Variants in H2BC4 observed in about 807,000 individuals in gnomAD.
H2BC4 encodes the protein histone H2B type 1-C/E/F/G/I.
In H2BC4, 10 loss-of-function variants were observed where a neutral mutation model predicts 6.2. The ratio of observed to expected loss-of-function variants is 1.61; its 90% CI spans 0.99 to 2.73. The LOEUF (loss-of-function observed/expected upper bound fraction) is 2.73. Among genes scored for constraint, H2BC4 ranks in the 30% most tolerant of loss-of-function variants. The pLI, the probability that H2BC4 is intolerant of heterozygous loss-of-function variation, is 0.00. For missense variants in H2BC4, 176 were observed against 168.7 expected (o/e 1.04, Z -0.24); for synonymous variants, 146 against 70.7 (o/e 2.07, Z -5.35).
downstream of H2BC4, among the ~76,000 whole-genome samples, chr6:26,119,127 G>A (rs1763465507): frequency 6.6e-6 from 1 of 151,806 alleles, no homozygotes; most frequent in African/African-American, 2.4e-5. Flanking sequence ...ATTAACCATA[G>A]CCCTTAAACA....
At chr6:26,117,942 A>C (rs1286438313) in intron 1 of H2BC4, among the ~76,000 whole-genome samples, 1 of 151,540 alleles carries the variant, frequency 6.6e-6, no homozygotes, top group Admixed American at 6.6e-5. Context: ...GTGATTCTCT[A>C]GAAACACTTA....
rs775202532 is a variant in H2BC4, at chr6:26,123,873, G to A, written c.32C>T (p.Pro11Leu). ...CACTGCCTTCTTGGAGCCCTTCTTCGGGGCGGGAGCAGACTTGGCTGGCTC... is the reference window on the plus strand; with the variant it reads ...CACTGCCTTCTTGGAGCCCTTCTTCAGGGCGGGAGCAGACTTGGCTGGCTC... Reference protein sequence around the residue: MPEPAKSAPAPKKGSKKAVTK... With the variant: MPEPAKSAPALKKGSKKAVTK... Residue 11 changes from proline (P) to leucine (L), a missense_variant, in exon 1 of 1, where the codon CCG becomes CTG. Transcript: ENST00000396984. 9 of 1,614,182 alleles carry A rather than the reference G, an allele frequency of 5.6e-6. No individual in the cohort carries two copies. The highest frequency in any genetic ancestry group is 7.6e-6 in the Non-Finnish European group (9 of 1,180,038).
chr6:26,120,262 C>A (rs1296318832), downstream of H2BC4, among the ~76,000 whole-genome samples: 1 of 152,040 alleles, frequency 6.6e-6, no homozygotes, highest in Admixed American at 6.6e-5. Flanking sequence ...ACCAGTTTGG[C>A]CAACATGGCG....
chr6:26,123,853 C>T lies in H2BC4; in HGVS notation c.52G>A (p.Ala18Thr), dbSNP rs777203378. The T allele has an allele frequency of 1.2e-5, 19 of 1,614,236 alleles. No individual in the cohort carries two copies. The highest frequency in any genetic ancestry group is 3.3e-5 in the Admixed American group (2 of 60,030). Reference sequence around the variant, plus strand: ...TCTTTCTTCTGCGCTTTGGTCACTGCCTTCTTGGAGCCCTTCTTCGGGGCG... The same window carrying T: ...TCTTTCTTCTGCGCTTTGGTCACTGTCTTCTTGGAGCCCTTCTTCGGGGCG... ...APAPKKGSKK[A>T]VTKAQKKDGK... Residue 18 changes from alanine to threonine, a missense_variant, in exon 1 of 1, where the codon GCA (alanine) becomes ACA (threonine). Transcript: ENST00000396984.
chr6:26,120,705 T>A (rs1040239266), downstream of H2BC4, among the ~76,000 whole-genome samples: 2 of 152,184 alleles, frequency 1.3e-5, no homozygotes, highest in African/African-American at 2.4e-5. Context: ...TCCCTTACAA[T>A]AAACTCGTTA....
chr6:26,121,188 C>T (rs967804315), downstream of H2BC4, among the ~76,000 whole-genome samples: 1 of 152,162 alleles, frequency 6.6e-6, no homozygotes, highest in East Asian at 1.9e-4. Flanking sequence ...ATATCAACAT[C>T]TTCAAACAAA....
chr6:26,123,131 G>T (rs1763528863), downstream of H2BC4, among the ~76,000 whole-genome samples: 1 of 152,180 alleles, frequency 6.6e-6, no homozygotes, highest in Non-Finnish European at 1.5e-5. Context: ...ACAGCCTATT[G>T]GCTAGAAGCT....
intron 1 of H2BC4, among the ~76,000 whole-genome samples, chr6:26,117,261 T>A (rs1220873794): frequency 6.6e-6 from 1 of 152,200 alleles, no homozygotes; most frequent in Non-Finnish European, 1.5e-5. Flanking sequence ...CTTCAAGTCC[T>A]TTTAGGAGCG....
chr6:26,119,650 G>A (rs1763472470), downstream of H2BC4, among the ~76,000 whole-genome samples: 1 of 152,002 alleles, frequency 6.6e-6, no homozygotes, highest in East Asian at 1.9e-4. Flanking sequence ...ACAACTAGTG[G>A]AAGAAATTTA....
chr6:26,114,359 C>CT (rs1307165596), downstream of H2BC4, among the ~76,000 whole-genome samples: 1 of 152,078 alleles, frequency 6.6e-6, no homozygotes, highest in African/African-American at 2.4e-5. Flanking sequence ...ATGACCCTCA[C>CT]TAATAGAGTC....
chr6:26,116,689 C>A (rs1193450962), intron 1 of H2BC4, among the ~76,000 whole-genome samples: 1 of 152,056 alleles, frequency 6.6e-6, no homozygotes, highest in African/African-American at 2.4e-5. Flanking sequence ...GCCTGGGCAA[C>A]AAAGTGAGAC....
rs781077239 is a variant in H2BC4, at chr6:26,123,513, A to T, written c.*11T>A. On this transcript the variant is annotated 3_prime_UTR_variant, in exon 1 of 1. Transcript: ENST00000396984. ...TTTGGGGTTAGGTGTTAAGACGCTT[A>T]CTTGGAATGTTTACTTGGAGCTGGT... 2 of 1,614,196 alleles carry T rather than the reference A, an allele frequency of 1.2e-6. No homozygotes were observed. The highest frequency in any genetic ancestry group is 1.7e-6 in the Non-Finnish European group (2 of 1,180,028).
downstream of H2BC4, among the ~76,000 whole-genome samples, chr6:26,114,675 TG>T (rs1228844091): frequency 6.6e-6 from 1 of 151,984 alleles, no homozygotes; most frequent in East Asian, 1.9e-4. Flanking sequence ...TGCATAAAAA[TG>T]GGAATCAATT....
chr6:26,123,516 T>C lies in H2BC4; in HGVS notation c.*8A>G. 2 of 1,614,186 alleles carry C rather than the reference T, an allele frequency of 1.2e-6. No homozygotes were observed. Among genetic ancestry groups the C allele is most frequent in the Non-Finnish European group, 1.7e-6 (2 of 1,180,026 alleles). On this transcript the variant is annotated 3_prime_UTR_variant, in exon 1 of 1. Transcript: ENST00000396984. ...GGGGTTAGGTGTTAAGACGCTTACTTGGAATGTTTACTTGGAGCTGGTGTA... is the reference window on the plus strand; with the variant it reads ...GGGGTTAGGTGTTAAGACGCTTACTCGGAATGTTTACTTGGAGCTGGTGTA...
chr6:26,122,666 A>G (rs1561954819), downstream of H2BC4, among the ~76,000 whole-genome samples: 1 of 152,192 alleles, frequency 6.6e-6, no homozygotes, highest in East Asian at 1.9e-4. Context: ...TTTACCCAGC[A>G]GTTAAGAGTT....
downstream of H2BC4, among the ~76,000 whole-genome samples, chr6:26,121,815 G>A (rs963706995): frequency 6.6e-6 from 1 of 151,558 alleles, no homozygotes; most frequent in African/African-American, 2.4e-5. Flanking sequence ...GACTTTGGGA[G>A]GCCAAGGCGG....
downstream of H2BC4, chr6:26,123,369 C>T: frequency 1.5e-6 from 2 of 1,326,062 alleles, no homozygotes; most frequent in Non-Finnish European, 2.0e-6. Context: ...CTCTAAGCTG[C>T]AACACTTGTC....
Position 26,117,035 on chromosome 6 carries a change from A to G in H2BC4, c.*10-1900T>C, listed in dbSNP as rs572789136. On this transcript the variant is annotated intron_variant, in intron 1 of 1. Transcript: ENST00000314332. ...ATATATATCCTTCCAAATCTGGAAGATTTAAGAGAAATGATAGTTATCATT... is the reference window on the plus strand; with the variant it reads ...ATATATATCCTTCCAAATCTGGAAGGTTTAAGAGAAATGATAGTTATCATT... 2.0e-5 allele frequency among the ~76,000 whole-genome samples: 3 copies of G among 152,328 alleles called. No individual in the cohort carries two copies. In the East Asian group the frequency reaches 5.8e-4, roughly 29 times the overall value.
At chr6:26,122,378 C>A (rs777967855), downstream of H2BC4, among the ~76,000 whole-genome samples, 1 of 152,130 alleles carries the variant, frequency 6.6e-6, no homozygotes, top group Non-Finnish European at 1.5e-5. Context: ...AAGCAAACTT[C>A]TAGGTGCTAA....
Sources: gnomAD v4.1 joint callset for allele counts (sites outside exome capture counted in the v4.1 genomes callset) on GRCh38, gnomAD v4.1.1 for gene constraint, MANE v1.5 for transcripts, NCBI Gene and HGNC (gene_info 2026-07-23, HGNC 2026-07-21) for gene names.